URM1: variants seen among roughly 807,000 people sequenced by gnomAD.
URM1 encodes the protein ubiquitin-related modifier 1.
In URM1, 11 loss-of-function variants were observed where a neutral mutation model predicts 17.7. That is an observed-to-expected ratio of 0.62 (90% CI 0.39 to 1.03). The LOEUF (loss-of-function observed/expected upper bound fraction) is 1.03. Ranked by LOEUF, URM1 falls within the 50% of genes least tolerant of loss-of-function variation. URM1 has a pLI of 0.00. For synonymous variants in URM1, 48 were observed against 50.6 expected (o/e 0.95, Z 0.22); for missense variants, 128 against 129.2 (o/e 0.99, Z 0.04).
In URM1 at chr9:128,390,398, A is replaced by T. The variant is rs1349214492; in HGVS notation, c.*664A>T. 6.6e-6 allele frequency: 1 copy of T among 151,890 alleles called. No individual in the cohort carries two copies. The highest frequency in any genetic ancestry group is 2.4e-5 in the African/African-American group (1 of 41,184). 9.4% of individuals were successfully genotyped at this position (151,890 alleles called of 1,614,324 possible). A position where few individuals can be genotyped will look rare whatever the true frequency, so the allele number is the denominator to read the frequency against. On this transcript the variant is annotated 3_prime_UTR_variant, in exon 5 of 5. Transcript: ENST00000372853. ...ACAGGCCACCAGATGGGCTCCTGAGACCCTCCCCAGGCTGCTTACAGCTCA... is the reference window on the plus strand; with the variant it reads ...ACAGGCCACCAGATGGGCTCCTGAGTCCCTCCCCAGGCTGCTTACAGCTCA...
Position 128,387,807 on chromosome 9 carries a change from C to G in URM1, c.107-9C>G, listed in dbSNP as rs768627785. 3 of 1,614,078 alleles carry G rather than the reference C, an allele frequency of 1.9e-6. No homozygotes were observed. Among genetic ancestry groups the G allele is most frequent in the Non-Finnish European group, 2.5e-6 (3 of 1,179,972 alleles). On this transcript the variant is annotated splice_polypyrimidine_tract_variant and intron_variant, in intron 2 of 4. Transcript: ENST00000372853. This position sits in a 1 kb window ranked among gnomAD's most constrained non-coding sequence, Gnocchi z 4.3. ...TTGACAAGAGTTTGTTCTGTGCATT[C>G]CTTTCCAGGGGACATCCGGAACCTG...
At chr9:128,383,313 A>G (rs1833183431) in intron 2 of URM1, among the ~76,000 whole-genome samples, 1 of 152,116 alleles carries the variant, frequency 6.6e-6, no homozygotes, top group African/African-American at 2.4e-5. Context: ...AAACTGCTCC[A>G]TTCTTACCCC....
intron 2 of URM1, among the ~76,000 whole-genome samples, 182 bp downstream of exon 2, chr9:128,378,288 C>T (rs2131292069): frequency 1.3e-5 from 2 of 152,000 alleles, no homozygotes; most frequent in Middle Eastern, 6.8e-3. Flanking sequence ...CCTGTAATCC[C>T]AGCACTTTGG....
chr9:128,373,594 G>GAC (rs1833039965), intron 1 of URM1, among the ~76,000 whole-genome samples: 1 of 152,092 alleles, frequency 6.6e-6, no homozygotes, highest in African/African-American at 2.4e-5. Context: ...CCCCTGAATT[G>GAC]TTCTCAGCAG....
chr9:128,373,397 A>C (rs573816381), intron 1 of URM1, among the ~76,000 whole-genome samples: 5 of 152,176 alleles, frequency 3.3e-5, no homozygotes, highest in South Asian at 4.1e-4. Context: ...AAATTTGCAA[A>C]GGCTAACACG....
chr9:128,384,904 T>C (rs1232627381), intron 2 of URM1, among the ~76,000 whole-genome samples: 1 of 152,140 alleles, frequency 6.6e-6, no homozygotes, highest in East Asian at 1.9e-4. Context: ...TCTTCCTCCC[T>C]CCTTCCCTCC....
chr9:128,380,093 C>G (rs1305491180), intron 2 of URM1, among the ~76,000 whole-genome samples: 1 of 151,724 alleles, frequency 6.6e-6, no homozygotes, highest in Admixed American at 6.6e-5. Flanking sequence ...GCCTGGGTGC[C>G]AGAGTGAGAC....
intron 2 of URM1, among the ~76,000 whole-genome samples, chr9:128,385,543 TGA>T (rs1002903529): frequency 5.3e-5 from 8 of 152,068 alleles, no homozygotes; most frequent in Non-Finnish European, 1.0e-4. Flanking sequence ...AAGGTGAAAG[TGA>T]GAGTCTCCAG....
rs755736663 is a variant in URM1 at position 128,387,782 on chromosome 9, T to G, written c.107-34T>G. On this transcript the variant is annotated intron_variant, in intron 2 of 4. Transcript: ENST00000372853. The surrounding 1 kb of genome is among the most constrained non-coding windows in gnomAD (Gnocchi z 4.3). Reference sequence around the variant, plus strand: ...GGGGGTGGGCAGGTGCTATTTGGGTTTGACAAGAGTTTGTTCTGTGCATTC... The same window carrying G: ...GGGGGTGGGCAGGTGCTATTTGGGTGTGACAAGAGTTTGTTCTGTGCATTC... The G allele has an allele frequency of 1.9e-6, 3 of 1,613,500 alleles. No homozygotes were observed. Among genetic ancestry groups the G allele is most frequent in the African/African-American group, 1.3e-5 (1 of 74,912 alleles).
At chr9:128,389,112 C>A (rs1300184193) in intron 3 of URM1, 149 bp from the exon 4 acceptor site, 2 of 1,453,408 alleles carry the variant, frequency 1.4e-6, no homozygotes, top group African/African-American at 1.4e-5. Flanking sequence ...CTCAGACCAG[C>A]CTCCCCTTCC....
Position 128,378,047 on chromosome 9 carries a change from A to G in URM1, c.47A>G (p.Glu16Gly). The G allele has an allele frequency of 6.2e-7, 1 of 1,612,008 alleles. No homozygotes were observed. Among genetic ancestry groups the G allele is most frequent in the African/African-American group, 1.3e-5 (1 of 74,816 alleles). ...GTCCTCCTTTGCAGAGGTGGTGCGG[A>G]GCTCCTGTTTGACGGTATTAAGAAA... ...SVEVEFGGGA[E>G]LLFDGIKKHR... Residue 16 changes from glutamate (E) to glycine (G), a missense_variant, in exon 2 of 5, where the codon GAG (glutamate) becomes GGG (glycine). Coordinates refer to ENST00000372853, the MANE Select transcript of URM1 (RefSeq NM_030914.4).
chr9:128,378,726 G>A (rs749168017), intron 2 of URM1, among the ~76,000 whole-genome samples: 15 of 151,726 alleles, frequency 9.9e-5, no homozygotes, highest in South Asian at 2.1e-4. Context: ...GGGCCGAGGC[G>A]GACGGATCAC....
At chr9:128,378,542 C>CAAAAAAAAAAAAAAAAA (rs58676800) in intron 2 of URM1, among the ~76,000 whole-genome samples, 1 of 22,996 alleles carries the variant, frequency 4.3e-5, no homozygotes, top group Non-Finnish European at 1.2e-4. Flanking sequence ...GACTCCATCT[C>CAAAAAAAAAAAAAAAAA]AAAAAAAAAA....
intron 2 of URM1, among the ~76,000 whole-genome samples, chr9:128,384,532 A>C (rs537888926): frequency 2.0e-4 from 31 of 152,264 alleles, no homozygotes; most frequent in Middle Eastern, 6.8e-3. Context: ...GATGCCACAG[A>C]AAACCCCAGC....
intron 2 of URM1, among the ~76,000 whole-genome samples, chr9:128,385,716 T>C (rs1376759162): frequency 1.3e-5 from 2 of 151,756 alleles, no homozygotes; most frequent in Non-Finnish European, 2.9e-5. Context: ...TCCCTGGGGG[T>C]GTGTTTCAGG....
At position 128,387,835 on chromosome 9, in the gene URM1, C is replaced by T. The variant is rs1564413100; in HGVS notation, c.126C>T (p.Leu42=). 6.2e-7 allele frequency: 1 copy of T among 1,614,126 alleles called. No homozygotes were observed. Among genetic ancestry groups the T allele is most frequent in the Non-Finnish European group, 8.5e-7 (1 of 1,180,018 alleles). ...TTCCAGGGGACATCCGGAACCTGCT[C>T]ATCTGGATCAAGAAGAATTTGCTAA... ...QEEPWDIRNL[L]IWIKKNLLKE... Residue 42 remains leucine, a synonymous_variant, in exon 3 of 5, where the codon CTC becomes CTT. Transcript: ENST00000372853. The surrounding 1 kb of genome is among the most constrained non-coding windows in gnomAD (Gnocchi z 4.3).
intron 3 of URM1, chr9:128,389,003 T>G: frequency 7.7e-7 from 1 of 1,302,804 alleles, no homozygotes; most frequent in Non-Finnish European, 9.8e-7. Context: ...AGAAACAAAA[T>G]GACCTGCCCA....
Position 128,390,555 on chromosome 9 carries a change from CTTGATGGCGCGAATGTCCG to C in URM1, c.*824_*842del, listed in dbSNP as rs1225197502. 6.6e-6 allele frequency: 1 copy of C among 152,248 alleles called. No individual in the cohort carries two copies. 9.4% of individuals were successfully genotyped at this position (152,248 alleles called of 1,614,324 possible). A position where few individuals can be genotyped will look rare whatever the true frequency, so the allele number is the denominator to read the frequency against. On this transcript the variant is annotated 3_prime_UTR_variant, in exon 5 of 5. Transcript: ENST00000372853. ...ATAGTGGCTGAAAACTGGGGAGATA[CTTGATGGCGCGAATGTCCG>C]TTTTCTCTCCCTTCCCACCTCCTGC...
chr9:128,378,947 CAAAAAA>C (rs397976946), intron 2 of URM1, among the ~76,000 whole-genome samples: 6 of 86,858 alleles, frequency 6.9e-5, no homozygotes, highest in East Asian at 7.7e-4. Context: ...ATTCTGTCAC[CAAAAAA>C]AAAAAAAAAA....
Sources: gnomAD v4.1 joint callset for allele counts (sites outside exome capture counted in the v4.1 genomes callset) on GRCh38, gnomAD v4.1.1 for gene constraint, Gnocchi (gnomAD v3.1) non-coding constraint, MANE v1.5 for transcripts, NCBI Gene and HGNC (gene_info 2026-07-23, HGNC 2026-07-21) for gene names.